The following ANKRD12 variants were observed in gnomAD, a reference collection of about 807,000 sequenced individuals.
The protein encoded by ANKRD12 is ankyrin repeat domain 12, also known as ankyrin repeat domain-containing protein 12.
ANKRD12 carries 85 observed loss-of-function variants against 183.4 expected under a neutral mutation model. The observed-to-expected ratio is 0.46, with a 90% CI of 0.39 to 0.56. The LOEUF is 0.56. ANKRD12 is among the 20% of genes least tolerant of loss of function. The probability of loss-of-function intolerance (pLI) is 0.00; values close to 1 mark genes in which losing one functional copy is unlikely to be tolerated. For synonymous variants in ANKRD12, 914 were observed against 800.2 expected (o/e 1.14, Z -2.40); for missense variants, 2,405 against 2,357.1 (o/e 1.02, Z -0.42).
chr18:9,163,187 A>T (rs2143815643), intron 1 of ANKRD12, among the ~76,000 whole-genome samples: 1 of 152,290 alleles, frequency 6.6e-6, no homozygotes, highest in African/African-American at 2.4e-5. Flanking sequence ...TTTACATTGA[A>T]GTCTTTAATC....
intron 1 of ANKRD12, among the ~76,000 whole-genome samples, chr18:9,174,701 G>A (rs960421498): frequency 6.6e-6 from 1 of 152,180 alleles, no homozygotes; most frequent in African/African-American, 2.4e-5. Context: ...ATCAGTCCCA[G>A]TGTGAGAACC....
rs372992779 is a variant in ANKRD12 at position 9,255,153 on chromosome 18, A to G, written c.1886A>G (p.His629Arg). The G allele has an allele frequency of 2.5e-6, 4 of 1,587,200 alleles. No individual in the cohort carries two copies. The highest frequency in any genetic ancestry group is 2.4e-5 in the South Asian group (2 of 84,966). The change falls in exon 9 of 13, where the codon CAT becomes CGT. Residue 629 changes from histidine (H) to arginine (R), a missense_variant. His to Arg is a conservative substitution (Grantham distance 29, BLOSUM62 0). Around this residue, in one of 7 missense-constraint regions of ANKRD12, gnomAD observed 1,983 missense variants for 1,725.9 expected, o/e 1.15. Coordinates refer to ENST00000262126, the MANE Select transcript of ANKRD12 (RefSeq NM_015208.5). ...AATGCCAAAATAAAGGATGAAGATC[A>G]TAGTCCAACATTTGAAAATTCAGAT... ...KSNAKIKDED[H>R]SPTFENSDCT...
At chr18:9,262,600 C>G (rs954322095) in intron 9 of ANKRD12, among the ~76,000 whole-genome samples, 4 of 151,910 alleles carry the variant, frequency 2.6e-5, no homozygotes, top group African/African-American at 9.7e-5. Context: ...GCTGAGGCTA[C>G]AGGCAGACAC....
At chr18:9,272,813 A>G (rs60119987) in intron 10 of ANKRD12, among the ~76,000 whole-genome samples, 9,661 of 152,284 alleles carry the variant, frequency 0.063, 331 homozygotes, top group Non-Finnish European at 0.079. Flanking sequence ...TAAGTTAATT[A>G]GGACCATGTT....
chr18:9,224,408 C>CTT (rs1042993577), intron 8 of ANKRD12, among the ~76,000 whole-genome samples: 2 of 147,698 alleles, frequency 1.4e-5, no homozygotes, highest in African/African-American at 5.0e-5. Flanking sequence ...ACAGCTGCGG[C>CTT]TTTTTTTTTT....
At chr18:9,201,505 T>G (rs2035165261) in intron 3 of ANKRD12, among the ~76,000 whole-genome samples, 1 of 152,224 alleles carries the variant, frequency 6.6e-6, no homozygotes, top group African/African-American at 2.4e-5. Context: ...AGTTATTTCT[T>G]TATTCGTTCC....
intron 11 of ANKRD12, among the ~76,000 whole-genome samples, chr18:9,276,472 T>C (rs1053426864): frequency 2.6e-5 from 4 of 152,106 alleles, no homozygotes; most frequent in Non-Finnish European, 5.9e-5. Context: ...CCCAGCACTT[T>C]GGGAGGCCAA....
chr18:9,169,372 C>G (rs951232628), intron 1 of ANKRD12, among the ~76,000 whole-genome samples: 2 of 152,096 alleles, frequency 1.3e-5, no homozygotes, highest in African/African-American at 2.4e-5. Context: ...TCACTAAGGA[C>G]TTGCTTTATG....
chr18:9,152,414 A>G (rs573167697), intron 1 of ANKRD12, among the ~76,000 whole-genome samples: 2 of 152,322 alleles, frequency 1.3e-5, no homozygotes, highest in Admixed American at 6.5e-5. Flanking sequence ...AGGACTCTCA[A>G]TTATTCATAA....
chr18:9,170,002 G>A (rs1475527896), intron 1 of ANKRD12, among the ~76,000 whole-genome samples: 4 of 152,148 alleles, frequency 2.6e-5, no homozygotes, highest in Non-Finnish European at 5.9e-5. Context: ...GAAATTCTGG[G>A]TTGAAAATTA....
chr18:9,267,704 TAAAA>T lies in ANKRD12; in HGVS notation c.5763+3817_5763+3820del, dbSNP rs561606552. On this transcript the variant is annotated intron_variant, in intron 10 of 12. Transcript: ENST00000262126. Reference sequence around the variant, plus strand: ...AAAATTGACACCCTAACATCACAATTAAAAGAACTAGAGAAGCAAGAGCAAACAC... The same window carrying T: ...AAAATTGACACCCTAACATCACAATTGAACTAGAGAAGCAAGAGCAAACAC... Among the ~76,000 whole-genome samples the T allele has an allele frequency of 4.2e-3, 633 of 151,904 alleles. 3 individuals are homozygous for T. The highest frequency in any genetic ancestry group is 0.014 in the African/African-American group (599 of 41,422).
At chr18:9,199,648 C>G (rs929884150) in intron 3 of ANKRD12, among the ~76,000 whole-genome samples, 2 of 151,724 alleles carry the variant, frequency 1.3e-5, no homozygotes, top group South Asian at 4.2e-4. Flanking sequence ...TTTTAATGTT[C>G]CTGTATTTAA....
Position 9,182,460 on chromosome 18 carries a change from A to C in ANKRD12, c.28A>C (p.Ile10Leu), listed in dbSNP as rs767324591. 1 of 1,611,912 alleles carries C rather than the reference A, an allele frequency of 6.2e-7. No homozygotes were observed. Among genetic ancestry groups the C allele is most frequent in the East Asian group, 2.2e-5 (1 of 44,742 alleles). The part of the protein sequence containing the change: MPKSGFTKP[I>L]QSENSDSDSN... ...GCCCAAATCTGGGTTCACAAAACCA[A>C]TTCAGAGTGAAAATTCTGACAGTGA... The change falls in exon 2 of 13, where the codon ATT becomes CTT. Residue 10 changes from isoleucine to leucine, a missense_variant. This residue lies in a region of ANKRD12 where 145 missense variants were observed against 145.6 expected (regional missense o/e 1.00). Coordinates refer to ENST00000262126, the MANE Select transcript of ANKRD12 (RefSeq NM_015208.5).
intron 2 of ANKRD12, among the ~76,000 whole-genome samples, chr18:9,190,852 G>A (rs757670177): frequency 2.6e-5 from 4 of 152,076 alleles, no homozygotes; most frequent in African/African-American, 4.8e-5. Flanking sequence ...CATGATTTTT[G>A]TACTGGGAAA....
chr18:9,182,354 A>G lies in ANKRD12; in HGVS notation c.-51-28A>G, dbSNP rs1425253323. 5.7e-6 allele frequency: 3 copies of G among 528,496 alleles called. No individual in the cohort carries two copies. In the East Asian group the frequency reaches 1.2e-4, roughly 21 times the overall value. The allele number at this position is 528,496 out of a possible 1,614,324, so 32.7% of individuals were successfully genotyped here. On this transcript the variant is annotated intron_variant, in intron 1 of 12. Transcript: ENST00000262126. ...CGTAACCTATTGTATATATATTCAAATAACCCTTATATATCTATTCTTTAC... is the reference window on the plus strand; with the variant it reads ...CGTAACCTATTGTATATATATTCAAGTAACCCTTATATATCTATTCTTTAC...
At chr18:9,175,937 A>G (rs2033228878) in intron 1 of ANKRD12, among the ~76,000 whole-genome samples, 1 of 150,784 alleles carries the variant, frequency 6.6e-6, no homozygotes, top group Non-Finnish European at 1.5e-5. Flanking sequence ...ACAATTTATG[A>G]ACCAAAAAAA....
intron 7 of ANKRD12, among the ~76,000 whole-genome samples, chr18:9,220,697 A>C (rs1490244769): frequency 1.3e-5 from 2 of 152,200 alleles, no homozygotes; most frequent in African/African-American, 4.8e-5. Flanking sequence ...TGAGTATTTG[A>C]ATGTTTGGGT....
At chr18:9,147,821 C>A (rs2078544281) in intron 1 of ANKRD12, among the ~76,000 whole-genome samples, 1 of 152,124 alleles carries the variant, frequency 6.6e-6, no homozygotes, top group Non-Finnish European at 1.5e-5. Context: ...AGCAATAGGT[C>A]TAAAAGGAAG....
At chr18:9,269,311 A>C (rs544989729) in intron 10 of ANKRD12, among the ~76,000 whole-genome samples, 1 of 152,234 alleles carries the variant, frequency 6.6e-6, no homozygotes, top group Non-Finnish European at 1.5e-5. Context: ...CGCATTGCCA[A>C]GTCAGTCCTA....
Sources: allele counts gnomAD v4.1 joint callset (sites outside exome capture counted in the v4.1 genomes callset), GRCh38; gene constraint gnomAD v4.1.1; regional missense constraint gnomAD v4.1.1; transcripts MANE v1.5; gene names NCBI Gene and HGNC (gene_info 2026-07-23, HGNC 2026-07-21).